Variants in OCLN observed in about 807,000 individuals in gnomAD.
The protein encoded by OCLN is occludin.
OCLN carries 21 observed loss-of-function variants against 47.9 expected under a neutral mutation model. The observed-to-expected ratio is 0.44, with a 90% CI of 0.31 to 0.63. OCLN has a LOEUF of 0.63. Ranked by LOEUF, OCLN falls within the 30% of genes least tolerant of loss-of-function variation. The pLI, the probability that OCLN is intolerant of heterozygous loss-of-function variation, is 0.08. For synonymous variants in OCLN, 117 were observed against 198.4 expected (o/e 0.59, Z 3.45); for missense variants, 360 against 571.0 (o/e 0.63, Z 3.77).
intron 4 of OCLN, among the ~76,000 whole-genome samples, chr5:69,529,572 T>C (rs1324993071): frequency 6.6e-6 from 1 of 152,182 alleles, no homozygotes; most frequent in African/African-American, 2.4e-5. Flanking sequence ...CTTGTCCTTT[T>C]TGAATGTAAT....
chr5:69,529,888 G>A (rs1407151510), intron 4 of OCLN, among the ~76,000 whole-genome samples: 2 of 152,220 alleles, frequency 1.3e-5, no homozygotes, highest in African/African-American at 2.4e-5. Context: ...ACAGGCATGA[G>A]CTACCGCACC....
In OCLN at chr5:69,553,685, A is replaced by G. The variant is rs1320495585; in HGVS notation, c.*14A>G. 6.2e-7 allele frequency: 1 copy of G among 1,607,374 alleles called. No individual in the cohort carries two copies. The highest frequency in any genetic ancestry group is 1.1e-5 in the South Asian group (1 of 90,850). ...CAGAAAACATAGAAGGCTGATGCCA[A>G]GTTGTTTGAGAAATTAAGTATCTGA... On this transcript the variant is annotated 3_prime_UTR_variant, in exon 9 of 9. Transcript: ENST00000396442.
chr5:69,536,663 T>C (rs1242786055), intron 5 of OCLN, among the ~76,000 whole-genome samples: 1 of 148,024 alleles, frequency 6.8e-6, no homozygotes, highest in Non-Finnish European at 1.5e-5. Flanking sequence ...AAAGTGAAAC[T>C]CTGTCTCAAA....
chr5:69,527,098 G>A (rs749511814), intron 4 of OCLN, among the ~76,000 whole-genome samples: 2 of 152,102 alleles, frequency 1.3e-5, no homozygotes, highest in Non-Finnish European at 2.9e-5. Flanking sequence ...CCAACATGGT[G>A]AAACTCCTTC....
intron 4 of OCLN, among the ~76,000 whole-genome samples, chr5:69,520,668 A>AT (rs905602634): frequency 1.6e-4 from 24 of 147,600 alleles, no homozygotes; most frequent in African/African-American, 2.5e-4. Context: ...ACTCCCTTAA[A>AT]TTTTTTTTTT....
chr5:69,504,284 C>A lies in OCLN; in HGVS notation c.40C>A (p.Pro14Thr). 2 of 1,590,366 alleles carry A rather than the reference C, an allele frequency of 1.3e-6. No homozygotes were observed. The highest frequency in any genetic ancestry group is 1.7e-6 in the Non-Finnish European group (2 of 1,158,516). ...RPLESPPPYRPDEFKPNHYAP... is the reference protein window; with the variant it reads ...RPLESPPPYRTDEFKPNHYAP... ...TCTTGAAAGTCCACCTCCTTACAGG[C>A]CTGATGAATTGTAAGTAAATAATTC... Residue 14 changes from proline (P) to threonine (T), a missense_variant, in exon 2 of 9, where the codon CCT becomes ACT. By Grantham distance (38) the Pro-to-Thr change is conservative. This residue lies in a region of OCLN where 314 missense variants were observed against 368.1 expected (regional missense o/e 0.85). Coordinates refer to ENST00000396442, the MANE Select transcript of OCLN (RefSeq NM_001205254.2).
At chr5:69,519,467 C>G (rs1173378501) in intron 4 of OCLN, among the ~76,000 whole-genome samples, 1 of 152,098 alleles carries the variant, frequency 6.6e-6, no homozygotes, top group African/African-American at 2.4e-5. Flanking sequence ...CTTTTTTTCC[C>G]CCTTCCTTTT....
intron 4 of OCLN, 92 bp downstream of exon 4, chr5:69,514,201 T>A: frequency 1.7e-6 from 2 of 1,159,720 alleles, no homozygotes; most frequent in Non-Finnish European, 2.5e-6. Flanking sequence ...TTCTTAGAAT[T>A]AATGTTTGTA....
At chr5:69,503,278 C>T (rs1768509875) in intron 1 of OCLN, among the ~76,000 whole-genome samples, 2 of 152,180 alleles carry the variant, frequency 1.3e-5, no homozygotes, top group Admixed American at 1.3e-4. Context: ...CAAACTTACA[C>T]CTCCCTTGCC....
At chr5:69,536,749 A>G (rs1344307283) in intron 5 of OCLN, among the ~76,000 whole-genome samples, 1 of 151,398 alleles carries the variant, frequency 6.6e-6, no homozygotes, top group Non-Finnish European at 1.5e-5. Context: ...CAGGTGGATC[A>G]CGAGGTCAGG....
Position 69,509,508 on chromosome 5 carries a change from T to G in OCLN, c.418T>G (p.Phe140Val). ...TACAGACCCAAGAGCAGCAAAGGGC[T>G]TCATGTTGGCCATGGCTGCCTTTTG... is the stretch of plus-strand genomic sequence containing the variant. ...GYTDPRAAKG[F>V]MLAMAAFCFI... Residue 140 changes from phenylalanine (F) to valine (V), a missense_variant, in exon 3 of 9, where the codon TTC (phenylalanine) becomes GTC (valine). Phe to Val is a conservative substitution (Grantham distance 50, BLOSUM62 -1). Around this residue, in one of 3 missense-constraint regions of OCLN, gnomAD observed 314 missense variants for 368.1 expected, o/e 0.85. Coordinates refer to ENST00000396442, the MANE Select transcript of OCLN (RefSeq NM_001205254.2). The G allele has an allele frequency of 6.2e-7, 1 of 1,614,184 alleles. No homozygotes were observed. Among genetic ancestry groups the G allele is most frequent in the Non-Finnish European group, 8.5e-7 (1 of 1,180,018 alleles).
At chr5:69,498,064 G>A (rs1002816561) in intron 1 of OCLN, among the ~76,000 whole-genome samples, 3 of 151,586 alleles carry the variant, frequency 2.0e-5, no homozygotes, top group Non-Finnish European at 4.4e-5. Context: ...CCCGGGAGGC[G>A]GAGCTTGCAG....
chr5:69,496,828 C>T (rs1768306477), intron 1 of OCLN, among the ~76,000 whole-genome samples: 2 of 152,130 alleles, frequency 1.3e-5, no homozygotes, highest in Admixed American at 1.3e-4. Context: ...TTCAGATTAA[C>T]ATATTTGACA....
At chr5:69,507,411 G>A (rs1038506159) in intron 2 of OCLN, among the ~76,000 whole-genome samples, 6 of 152,080 alleles carry the variant, frequency 3.9e-5, no homozygotes, top group African/African-American at 1.2e-4. Context: ...TTATAGGTGT[G>A]AGCCACCACA....
chr5:69,497,995 A>G (rs1184481404), intron 1 of OCLN, among the ~76,000 whole-genome samples: 5 of 151,112 alleles, frequency 3.3e-5, no homozygotes, highest in East Asian at 2.0e-4. Flanking sequence ...AGCCGGGCGT[A>G]GTGGCGGGCG....
intron 1 of OCLN, chr5:69,502,299 T>G (rs1031043897): frequency 2.0e-4 from 8 of 40,234 alleles, no homozygotes; most frequent in African/African-American, 9.7e-4. Context: ...CAGACCGTAT[T>G]AGAAAAGGAA....
At chr5:69,526,875 T>A (rs1769294994) in intron 4 of OCLN, among the ~76,000 whole-genome samples, 1 of 152,188 alleles carries the variant, frequency 6.6e-6, no homozygotes, top group South Asian at 2.1e-4. Flanking sequence ...GTGAATGGGG[T>A]CCTGATGCAT....
chr5:69,511,076 A>AT (rs967307316), intron 3 of OCLN, among the ~76,000 whole-genome samples: 16 of 147,950 alleles, frequency 1.1e-4, no homozygotes, highest in South Asian at 2.1e-4. Context: ...AGACTTGTCC[A>AT]TTTTTTTTTT....
intron 7 of OCLN, among the ~76,000 whole-genome samples, chr5:69,549,457 A>G (rs1178260329): frequency 6.8e-6 from 1 of 147,934 alleles, no homozygotes; most frequent in Non-Finnish European, 1.5e-5. Flanking sequence ...AGTTAAAACA[A>G]TCTCTCCAAG....
Sources: allele counts gnomAD v4.1 joint callset (sites outside exome capture counted in the v4.1 genomes callset), GRCh38; gene constraint gnomAD v4.1.1; regional missense constraint gnomAD v4.1.1; transcripts MANE v1.5; gene names NCBI Gene and HGNC (gene_info 2026-07-23, HGNC 2026-07-21).